Variants in MTF1 observed in about 807,000 individuals in gnomAD.
The protein encoded by MTF1 is metal regulatory transcription factor 1, also known as MRE-binding transcription factor.
In MTF1, 22 loss-of-function variants were observed where a neutral mutation model predicts 70.4. That is an observed-to-expected ratio of 0.31 (90% CI 0.22 to 0.45). The LOEUF is 0.45. Among genes scored for constraint, MTF1 ranks in the 20% least tolerant of loss-of-function variants. The probability of loss-of-function intolerance (pLI) is 1.00; values close to 1 mark genes in which losing one functional copy is unlikely to be tolerated. For missense variants in MTF1, 649 were observed against 922.0 expected (o/e 0.70, Z 3.83); for synonymous variants, 333 against 352.8 (o/e 0.94, Z 0.63).
intron 2 of MTF1, among the ~76,000 whole-genome samples, chr1:37,845,724 G>A (rs372496754): frequency 3.3e-5 from 5 of 151,980 alleles, no homozygotes; most frequent in Non-Finnish European, 7.4e-5. Context: ...CAGGCTGGTC[G>A]GGAACTCCTG....
At chr1:37,834,057 T>A (rs1285240015) in intron 6 of MTF1, among the ~76,000 whole-genome samples, 1 of 151,576 alleles carries the variant, frequency 6.6e-6, no homozygotes, top group African/African-American at 2.4e-5. Flanking sequence ...GAAGACCACA[T>A]CTCTACTAAA....
intron 6 of MTF1, chr1:37,834,554 A>C (rs1335813449): frequency 5.0e-6 from 2 of 397,358 alleles, no homozygotes; most frequent in Non-Finnish European, 1.0e-5. Flanking sequence ...GTTCAGAAAG[A>C]TCACTCTGGC....
At chr1:37,836,931 C>T (rs1641178426) in intron 4 of MTF1, among the ~76,000 whole-genome samples, 1 of 134,384 alleles carries the variant, frequency 7.4e-6, no homozygotes, top group Admixed American at 7.9e-5. Flanking sequence ...TCTCAGCAGC[C>T]TACGGGAAGG....
At chr1:37,845,421 G>C (rs1340677366) in intron 2 of MTF1, among the ~76,000 whole-genome samples, 4 of 152,220 alleles carry the variant, frequency 2.6e-5, no homozygotes, top group African/African-American at 9.6e-5. Flanking sequence ...ATTTGGCTGA[G>C]GAGAGAAAGA....
chr1:37,857,847 T>C, intron 1 of MTF1, 138 bp from the exon 2 acceptor site: 1 of 595,258 alleles, frequency 1.7e-6, no homozygotes. Context: ...ATAATTTTTT[T>C]ATTTTAACTT....
At chr1:37,835,304 T>C in intron 5 of MTF1, 89 bp from the exon 6 acceptor site, 1 of 1,141,378 alleles carries the variant, frequency 8.8e-7, no homozygotes, top group Non-Finnish European at 1.3e-6. Context: ...GGTAAGTAAG[T>C]ATTTTTAAGA....
intron 9 of MTF1, among the ~76,000 whole-genome samples, chr1:37,820,131 T>TA (rs1640889071): frequency 6.6e-6 from 1 of 152,170 alleles, no homozygotes; most frequent in African/African-American, 2.4e-5. Flanking sequence ...TGACTCTAGC[T>TA]ATCTAGAAAT....
In MTF1 at chr1:37,826,717, A is replaced by C. The variant is rs1641007690; in HGVS notation, c.1069-2905T>G. Reference sequence around the variant, plus strand: ...TGTGAGGCCAGGCGCAGTGGCTCACACCTGTAATCCCAGCACTGTGTGGGG... The same window carrying C: ...TGTGAGGCCAGGCGCAGTGGCTCACCCCTGTAATCCCAGCACTGTGTGGGG... On this transcript the variant is annotated intron_variant, in intron 7 of 10. Transcript: ENST00000373036. 6 of 391,686 alleles carry C rather than the reference A, an allele frequency of 1.5e-5. No individual in the cohort carries two copies. The East Asian group carries it at 3.7e-4, about 24-fold the overall frequency. The allele number at this position is 391,686 out of a possible 1,614,324, so 24.3% of individuals were successfully genotyped here.
At chr1:37,834,072 CA>C (rs879889623) in intron 6 of MTF1, among the ~76,000 whole-genome samples, 1 of 151,518 alleles carries the variant, frequency 6.6e-6, no homozygotes, top group African/African-American at 2.4e-5. Flanking sequence ...ACTAAAAACA[CA>C]AAAAAAACCT....
chr1:37,857,777 G>A lies in MTF1; in HGVS notation c.-51-68C>T, dbSNP rs537188635. The A allele has an allele frequency of 3.4e-5, 31 of 903,642 alleles. No individual in the cohort carries two copies. In the Admixed American group the frequency reaches 3.8e-4, roughly 11 times the overall value. 56.0% of individuals were successfully genotyped at this position (903,642 alleles called of 1,614,324 possible). A position where few individuals can be genotyped will look rare whatever the true frequency, so the allele number is the denominator to read the frequency against. On this transcript the variant is annotated intron_variant, in intron 1 of 10. Coordinates refer to ENST00000373036, the MANE Select transcript of MTF1 (RefSeq NM_005955.3). ...CGACGGACCTCCTCAGCAACCACAA[G>A]GCTCATTTTCCCTCTCACTTAAAGA...
In MTF1 at chr1:37,814,936, TTTG is replaced by T. The variant is rs1351296883; in HGVS notation, c.*197_*199del. ...TAACTTAGCTTTTTTTGTTGTTTTT[TTTG>T]TTTTTTGTTTTTTTCCAAAGAATAG... On this transcript the variant is annotated 3_prime_UTR_variant, in exon 11 of 11. Transcript: ENST00000373036. 6.1e-5 allele frequency: 34 copies of T among 556,130 alleles called. No individual in the cohort carries two copies. The East Asian group carries it at 8.5e-4, about 14-fold the overall frequency. The allele number at this position is 556,130 out of a possible 1,614,324, so 34.4% of individuals were successfully genotyped here.
intron 5 of MTF1, 77 bp from the exon 6 acceptor site, chr1:37,835,292 G>T: frequency 8.0e-7 from 1 of 1,251,328 alleles, no homozygotes; most frequent in Non-Finnish European, 1.2e-6. Context: ...TTCCCTAATA[G>T]AGGTAAGTAA....
chr1:37,844,364 C>T (rs1641302010), intron 2 of MTF1, among the ~76,000 whole-genome samples: 1 of 152,146 alleles, frequency 6.6e-6, no homozygotes, highest in South Asian at 2.1e-4. Context: ...CTTCCTTTAA[C>T]GCGAGCCTCA....
chr1:37,833,062 G>A (rs1195304117), intron 6 of MTF1, among the ~76,000 whole-genome samples: 1 of 151,612 alleles, frequency 6.6e-6, no homozygotes, highest in South Asian at 2.1e-4. Flanking sequence ...TTATGACTAA[G>A]GCTCCAAAGT....
At chr1:37,834,072 C>CA (rs879889623) in intron 6 of MTF1, among the ~76,000 whole-genome samples, 38 of 151,636 alleles carry the variant, frequency 2.5e-4, no homozygotes, top group Non-Finnish European at 5.0e-4. Context: ...ACTAAAAACA[C>CA]AAAAAAAACC....
At chr1:37,852,803 G>C (rs1336215406) in intron 2 of MTF1, among the ~76,000 whole-genome samples, 3 of 152,002 alleles carry the variant, frequency 2.0e-5, no homozygotes, top group Admixed American at 6.6e-5. Flanking sequence ...GCTAATTTTT[G>C]TATTTTTAGT....
chr1:37,821,277 A>G (rs1012562753), intron 9 of MTF1, among the ~76,000 whole-genome samples: 5 of 152,120 alleles, frequency 3.3e-5, no homozygotes, highest in Admixed American at 3.3e-4. Context: ...TAATCTAAAA[A>G]TAATGTACGT....
At chr1:37,843,798 C>T (rs761765772) in intron 2 of MTF1, among the ~76,000 whole-genome samples, 3 of 152,182 alleles carry the variant, frequency 2.0e-5, no homozygotes, top group Non-Finnish European at 2.9e-5. Flanking sequence ...CCACAGTATG[C>T]TAACCTCTGA....
At chr1:37,848,072 C>T (rs1240794130) in intron 2 of MTF1, among the ~76,000 whole-genome samples, 1 of 152,166 alleles carries the variant, frequency 6.6e-6, no homozygotes, top group Non-Finnish European at 1.5e-5. Context: ...TATGGGCTAT[C>T]CTGGAACCTA....
Sources: allele counts gnomAD v4.1 joint callset (sites outside exome capture counted in the v4.1 genomes callset), GRCh38; gene constraint gnomAD v4.1.1; transcripts MANE v1.5; gene names NCBI Gene and HGNC (gene_info 2026-07-23, HGNC 2026-07-21).